TLN2: variants seen among roughly 807,000 people sequenced by gnomAD.
The protein encoded by TLN2 is talin 2.
A neutral mutation model predicts 294.7 loss-of-function variants in TLN2; 118 were observed. That is an observed-to-expected ratio of 0.40 (90% CI 0.34 to 0.47). The LOEUF (loss-of-function observed/expected upper bound fraction) is 0.47, where lower values mean the gene tolerates loss of function less well. TLN2 is among the 20% of genes least tolerant of loss of function. The pLI is 0.84. For missense variants in TLN2, 3,083 were observed against 3,282.2 expected (o/e 0.94, Z 1.48); for synonymous variants, 1,431 against 1,304.5 (o/e 1.10, Z -2.09).
chr15:62,746,919 C>T (rs9302230), intron 32 of TLN2, among the ~76,000 whole-genome samples: 86,463 of 151,976 alleles, frequency 0.57, 25,227 homozygotes, highest in Non-Finnish European at 0.64. Flanking sequence ...TTATAAAATG[C>T]GTGGGTTTTC....
chr15:62,689,842 G>GC (rs2141053488), intron 12 of TLN2, among the ~76,000 whole-genome samples: 1 of 27,604 alleles, frequency 3.6e-5, no homozygotes, highest in Admixed American at 6.4e-4. Context: ...CTTGGTATGG[G>GC]CTTCTTTTTT....
chr15:62,512,222 A>AG (rs1224623356), intron 1 of TLN2, among the ~76,000 whole-genome samples: 3 of 152,162 alleles, frequency 2.0e-5, no homozygotes, highest in Admixed American at 6.5e-5. Context: ...GATCTGCCAC[A>AG]GGAATGGGGA....
At chr15:62,775,114 A>G (rs1351222405) in intron 42 of TLN2, among the ~76,000 whole-genome samples, 1 of 151,314 alleles carries the variant, frequency 6.6e-6, no homozygotes, top group Admixed American at 6.6e-5. Context: ...CCGCCACCAC[A>G]CCTGGCTCAT....
At chr15:62,490,788 T>C (rs552003298) in intron 1 of TLN2, among the ~76,000 whole-genome samples, 4 of 152,306 alleles carry the variant, frequency 2.6e-5, no homozygotes, top group Admixed American at 6.5e-5. Context: ...GTAAATGTGC[T>C]AGTGCTAGAA....
chr15:62,507,919 A>C (rs1190160078), intron 1 of TLN2, among the ~76,000 whole-genome samples: 1 of 152,130 alleles, frequency 6.6e-6, no homozygotes. Context: ...GATATTCTTT[A>C]TTTTGTAGTA....
At chr15:62,476,666 C>G (rs569925458) in intron 1 of TLN2, among the ~76,000 whole-genome samples, 2 of 152,338 alleles carry the variant, frequency 1.3e-5, no homozygotes, top group South Asian at 4.1e-4. Context: ...CCTACGAGTC[C>G]TGATTCTCTT....
At chr15:62,727,309 G>T (rs943624528) in intron 28 of TLN2, 120 bp downstream of exon 28, 1 of 879,552 alleles carries the variant, frequency 1.1e-6, no homozygotes, top group South Asian at 1.9e-5. Context: ...GCAGTTCACC[G>T]TATATTTTTC....
intron 1 of TLN2, among the ~76,000 whole-genome samples, chr15:62,513,203 G>C (rs2040018885): frequency 6.6e-6 from 1 of 152,120 alleles, no homozygotes; most frequent in Admixed American, 6.5e-5. Context: ...TCCCGACATG[G>C]TCCAGCCACA....
At chr15:62,422,311 C>T (rs1177823570) in intron 1 of TLN2, among the ~76,000 whole-genome samples, 1 of 150,878 alleles carries the variant, frequency 6.6e-6, no homozygotes, top group African/African-American at 2.4e-5. Context: ...GGTGAATCAC[C>T]TAAGATGTTG....
At chr15:62,833,278 C>G in intron 54 of TLN2, 1 of 538,752 alleles carries the variant, frequency 1.9e-6, no homozygotes, top group Non-Finnish European at 3.2e-6. Flanking sequence ...ATCTTCCACA[C>G]TGTGACCCGA....
intron 2 of TLN2, among the ~76,000 whole-genome samples, chr15:62,616,704 CAT>C (rs1332811557): frequency 2.6e-5 from 4 of 152,194 alleles, no homozygotes; most frequent in Non-Finnish European, 5.9e-5. Flanking sequence ...CTGGGAACCT[CAT>C]GTGGAGTCAG....
chr15:62,474,151 A>C (rs1024191661), intron 1 of TLN2, among the ~76,000 whole-genome samples: 4 of 152,218 alleles, frequency 2.6e-5, no homozygotes, highest in Non-Finnish European at 4.4e-5. Flanking sequence ...AGAGACTTAT[A>C]AAAGAGGATT....
At chr15:62,467,271 A>G (rs1254177136) in intron 1 of TLN2, among the ~76,000 whole-genome samples, 1 of 152,206 alleles carries the variant, frequency 6.6e-6, no homozygotes, top group African/African-American at 2.4e-5. Flanking sequence ...AGAAGGAGAG[A>G]GACAAAATTT....
At chr15:62,629,903 A>G (rs989733681) in intron 3 of TLN2, among the ~76,000 whole-genome samples, 1 of 152,208 alleles carries the variant, frequency 6.6e-6, no homozygotes, top group Non-Finnish European at 1.5e-5. Flanking sequence ...TAGAAAATAC[A>G]TGAGCATTTT....
At position 62,708,197 on chromosome 15, in the gene TLN2, G is replaced by T. The variant is rs553938832; in HGVS notation, c.2173-305G>T. Among the ~76,000 whole-genome samples the T allele has an allele frequency of 3.9e-5, 6 of 152,206 alleles. No homozygotes were observed. In the East Asian group the frequency reaches 5.8e-4, roughly 15 times the overall value. On this transcript the variant is annotated intron_variant, in intron 20 of 58. Transcript: ENST00000636159. ...CCTAAAATGAAGGAGGTATAATTGG[G>T]AAATCTCAGAAATTTCTCTGTATGG...
intron 1 of TLN2, among the ~76,000 whole-genome samples, chr15:62,416,887 T>C (rs753588313): frequency 6.6e-6 from 1 of 152,036 alleles, no homozygotes; most frequent in Non-Finnish European, 1.5e-5. Flanking sequence ...AAATGAGGAG[T>C]TGGACTGGAG....
intron 1 of TLN2, among the ~76,000 whole-genome samples, chr15:62,524,293 T>C (rs899754232): frequency 6.6e-6 from 1 of 152,178 alleles, no homozygotes; most frequent in African/African-American, 2.4e-5. Flanking sequence ...CACAAAGCTG[T>C]GAGTAGAAGC....
intron 34 of TLN2, among the ~76,000 whole-genome samples, chr15:62,751,739 C>G (rs2061952265): frequency 6.6e-6 from 1 of 152,232 alleles, no homozygotes; most frequent in Admixed American, 6.5e-5. Flanking sequence ...GGATGCATGA[C>G]CACTCTGGGT....
At chr15:62,638,408 C>T in intron 3 of TLN2, 2 of 385,652 alleles carry the variant, frequency 5.2e-6, no homozygotes, top group Non-Finnish European at 1.0e-5. Flanking sequence ...TCTTTATGAC[C>T]AACAATATAC....
Sources: gnomAD v4.1 joint callset for allele counts (sites outside exome capture counted in the v4.1 genomes callset) on GRCh38, gnomAD v4.1.1 for gene constraint, MANE v1.5 for transcripts, NCBI Gene and HGNC (gene_info 2026-07-23, HGNC 2026-07-21) for gene names.